Variants in GCNT2 observed in about 807,000 individuals in gnomAD.
GCNT2 encodes the protein glucosaminyl (N-acetyl) transferase 2 (I blood group).
In GCNT2, 34 loss-of-function variants were observed where a neutral mutation model predicts 34.2. The observed-to-expected ratio is 1.00, with a 90% confidence interval of 0.76 to 1.32. The LOEUF (loss-of-function observed/expected upper bound fraction) is 1.32. Among genes scored for constraint, GCNT2 ranks in the 40% most tolerant of loss-of-function variants. The probability of loss-of-function intolerance (pLI) is 0.00; values close to 1 mark genes in which losing one functional copy is unlikely to be tolerated. For missense variants in GCNT2, 584 were observed against 489.4 expected (o/e 1.19, Z -1.82); for synonymous variants, 212 against 188.0 (o/e 1.13, Z -1.04).
chr6:10,576,962 C>T (rs536389042), intron 3 of GCNT2, among the ~76,000 whole-genome samples: 1 of 152,226 alleles, frequency 6.6e-6, no homozygotes, highest in South Asian at 2.1e-4. Context: ...TGCCTGTAGT[C>T]TCAGCTACAG....
intron 3 of GCNT2, among the ~76,000 whole-genome samples, chr6:10,560,059 T>C (rs887249777): frequency 6.6e-6 from 1 of 152,222 alleles, no homozygotes; most frequent in Non-Finnish European, 1.5e-5. Flanking sequence ...ATCTGGTTCT[T>C]ATATAACCAC....
At chr6:10,552,997 C>T (rs965567617) in intron 3 of GCNT2, among the ~76,000 whole-genome samples, 1 of 152,210 alleles carries the variant, frequency 6.6e-6, no homozygotes, top group Non-Finnish European at 1.5e-5. Context: ...AACAAACTCT[C>T]TCTGAGCCAG....
At position 10,541,092 on chromosome 6, in the gene GCNT2, A is replaced by C. The variant is rs375066264; in HGVS notation, c.925+11256A>C. 2.8e-4 allele frequency among the ~76,000 whole-genome samples: 42 copies of C among 151,230 alleles called. 2 individuals are homozygous for C. In the East Asian group the frequency reaches 6.8e-3, roughly 24 times the overall value. On this transcript the variant is annotated intron_variant, in intron 3 of 4. Transcript: ENST00000495262. ...AGGTAAACGTGTGCCACAGTGGTTT[A>C]CCCGCACAGATCATCCCATCACCTA...
In GCNT2 at chr6:10,527,504, ACATG is replaced by A. The variant is rs934354664; in HGVS notation, c.-437_-434del. The A allele has an allele frequency of 1.3e-5, 2 of 152,234 alleles. No individual in the cohort carries two copies. The highest frequency in any genetic ancestry group is 4.8e-5 in the African/African-American group (2 of 41,454). The allele number at this position is 152,234 out of a possible 1,614,324, so 9.4% of individuals were successfully genotyped here. On this transcript the variant is annotated 5_prime_UTR_variant, in exon 2 of 5. An upstream start codon of the reference 5' UTR is lost. Coordinates refer to ENST00000495262, the MANE Select transcript of GCNT2 (RefSeq NM_145649.5). ...GCTAGGAGCCAGAAACATGAGGAAT[ACATG>A]AGCTCGGCGCCAATGGAACATGCTT... is the stretch of plus-strand genomic sequence containing the variant.
At chr6:10,523,669 G>C (rs79678787) in intron 1 of GCNT2, among the ~76,000 whole-genome samples, 1 of 151,818 alleles carries the variant, frequency 6.6e-6, no homozygotes, top group Non-Finnish European at 1.5e-5. Context: ...CTGTTGTCTT[G>C]ACTCTAGACT....
Position 10,569,495 on chromosome 6 carries a change from A to G in GCNT2, c.925+39659A>G, listed in dbSNP as rs540192613. The stretch of plus-strand genomic sequence containing the variant: ...AGCCACTGCACCTGGCCCATGTTCA[A>G]TTTTTCTTTGACGTTTCCTAAATGC... On this transcript the variant is annotated intron_variant, in intron 3 of 4. Transcript: ENST00000495262. Among the ~76,000 whole-genome samples the G allele has an allele frequency of 7.2e-5, 11 of 151,916 alleles. No homozygotes were observed. The East Asian group carries it at 9.7e-4, about 13-fold the overall frequency.
At chr6:10,611,256 G>C (rs1765537764) in intron 3 of GCNT2, among the ~76,000 whole-genome samples, 1 of 73,024 alleles carries the variant, frequency 1.4e-5, no homozygotes, top group Non-Finnish European at 3.0e-5. Flanking sequence ...GTGATCAATT[G>C]ATCACTTGAA....
intron 3 of GCNT2, among the ~76,000 whole-genome samples, chr6:10,600,136 T>C (rs1765032289): frequency 6.6e-6 from 1 of 152,212 alleles, no homozygotes; most frequent in Non-Finnish European, 1.5e-5. Context: ...TTAGTGCTTC[T>C]TATAATTTCT....
intron 3 of GCNT2, among the ~76,000 whole-genome samples, chr6:10,563,765 A>G (rs1490797134): frequency 2.5e-4 from 16 of 63,570 alleles, no homozygotes; most frequent in African/African-American, 7.0e-4. Context: ...AGAAAAAAAA[A>G]AAAAAAAAAA....
Position 10,601,018 on chromosome 6 carries a change from C to T in GCNT2, c.926-20333C>T, listed in dbSNP as rs112886596. 1.5e-3 allele frequency among the ~76,000 whole-genome samples: 231 copies of T among 152,252 alleles called. 1 individual carries two copies. Among genetic ancestry groups the T allele is most frequent in the South Asian group, 0.013 (63 of 4,824 alleles). ...TTTTGCCCAGGCTGGTCTTGAACTC[C>T]TGGACCCAAGCAATTCACCTGCCTT... On this transcript the variant is annotated intron_variant, in intron 3 of 4. Transcript: ENST00000495262.
intron 3 of GCNT2, among the ~76,000 whole-genome samples, chr6:10,564,496 C>G (rs1763189616): frequency 6.6e-6 from 1 of 152,130 alleles, no homozygotes; most frequent in Non-Finnish European, 1.5e-5. Flanking sequence ...CAGAGAGAAC[C>G]AGGTTGGACT....
chr6:10,551,349 G>A (rs551292242), intron 3 of GCNT2, among the ~76,000 whole-genome samples: 1 of 151,778 alleles, frequency 6.6e-6, no homozygotes, highest in South Asian at 2.1e-4. Context: ...TGGACTTGCC[G>A]CCTGGGTCTT....
At chr6:10,582,483 T>TA in intron 3 of GCNT2, among the ~76,000 whole-genome samples, 1 of 95,802 alleles carries the variant, frequency 1.0e-5, no homozygotes, top group Non-Finnish European at 1.9e-5. Flanking sequence ...TACTATAATA[T>TA]ATACTATAAT....
chr6:10,554,011 A>C (rs1762589198), intron 3 of GCNT2, among the ~76,000 whole-genome samples: 1 of 152,244 alleles, frequency 6.6e-6, no homozygotes, highest in Non-Finnish European at 1.5e-5. Flanking sequence ...TAGCCTGATT[A>C]ATTGGCTAGT....
chr6:10,626,265 G>A lies in GCNT2; in HGVS notation c.1019-152G>A, dbSNP rs1766249220. 6 of 681,222 alleles carry A rather than the reference G, an allele frequency of 8.8e-6. No homozygotes were observed. The South Asian group carries it at 9.6e-5, about 11-fold the overall frequency. 42.2% of individuals were successfully genotyped at this position (681,222 alleles called of 1,614,324 possible). On this transcript the variant is annotated intron_variant, in intron 4 of 4. Transcript: ENST00000495262. ...CTTCTAAATAGAGTTCCAGTTCTTT[G>A]TGGGCTGAGACTGCACAATCATATT...
chr6:10,522,355 G>T (rs1225429017), intron 1 of GCNT2, among the ~76,000 whole-genome samples: 5 of 152,134 alleles, frequency 3.3e-5, no homozygotes, highest in African/African-American at 1.2e-4. Flanking sequence ...TTAAAGACAG[G>T]TCTACTAAGT....
chr6:10,596,222 GT>G (rs1021214088), intron 3 of GCNT2, among the ~76,000 whole-genome samples: 2 of 152,118 alleles, frequency 1.3e-5, no homozygotes, highest in African/African-American at 4.8e-5. Context: ...GCAGAATGCG[GT>G]TTGTTAAGAT....
intron 3 of GCNT2, chr6:10,557,151 TAAG>T (rs769830102): frequency 2.0e-5 from 31 of 1,550,554 alleles, no homozygotes; most frequent in Non-Finnish European, 2.6e-5. Flanking sequence ...TCCTATGTGA[TAAG>T]AACAACAGCG....
chr6:10,530,493 T>A (rs1474376763), intron 3 of GCNT2, among the ~76,000 whole-genome samples: 1 of 152,218 alleles, frequency 6.6e-6, no homozygotes, highest in African/African-American at 2.4e-5. Context: ...TTGTCTCTGT[T>A]GAAGCTCCCA....
Sources: allele counts gnomAD v4.1 joint callset (sites outside exome capture counted in the v4.1 genomes callset), GRCh38; gene constraint gnomAD v4.1.1; transcripts MANE v1.5; gene names NCBI Gene and HGNC (gene_info 2026-07-23, HGNC 2026-07-21).